Variants in CTNNA3 observed in about 807,000 individuals in gnomAD.
CTNNA3 encodes the protein catenin alpha-3.
Under a neutral mutation model 95.7 loss-of-function variants are expected in CTNNA3, and 76 were observed. The ratio of observed to expected loss-of-function variants is 0.79; its 90% CI spans 0.66 to 0.96. The LOEUF is 0.96. CTNNA3 is among the 40% of genes least tolerant of loss of function. The probability of loss-of-function intolerance (pLI) is 0.00; values close to 1 mark genes in which losing one functional copy is unlikely to be tolerated. For missense variants in CTNNA3, 1,191 were observed against 1,089.8 expected, an observed-to-expected ratio of 1.09 and a Z score of -1.31; for synonymous variants, 431 against 374.4, an observed-to-expected ratio of 1.15 and a Z score of -1.74.
chr10:66,713,932 T>C (rs1030239041), intron 9 of CTNNA3, among the ~76,000 whole-genome samples: 3 of 152,092 alleles, frequency 2.0e-5, no homozygotes, highest in Admixed American at 2.0e-4. Context: ...GAGAGTAATA[T>C]TAATTTTACT....
chr10:66,877,151 T>A (rs879142983), intron 7 of CTNNA3, among the ~76,000 whole-genome samples: 5 of 152,056 alleles, frequency 3.3e-5, no homozygotes, highest in South Asian at 4.1e-4. Context: ...TGATAAGAAA[T>A]CCTGCCTGTG....
intron 13 of CTNNA3, among the ~76,000 whole-genome samples, chr10:66,191,156 T>C (rs1053800390): frequency 2.0e-5 from 3 of 152,130 alleles, no homozygotes; most frequent in East Asian, 1.9e-4. Context: ...TAAGAACTTA[T>C]ATACATATTT....
intron 5 of CTNNA3, among the ~76,000 whole-genome samples, chr10:67,335,250 G>A (rs1841954155): frequency 6.6e-6 from 1 of 152,166 alleles, no homozygotes; most frequent in South Asian, 2.1e-4. Flanking sequence ...GAGTGAGGCT[G>A]CAATGGAATG....
intron 12 of CTNNA3, among the ~76,000 whole-genome samples, chr10:66,346,246 T>TATATATATATATATATAGAG (rs1416945569): frequency 3.6e-5 from 1 of 27,784 alleles, no homozygotes; most frequent in Non-Finnish European, 7.6e-5. Context: ...TATATATATA[T>TATATATATATATATATAGAG]AGAGAGAGAG....
At position 66,968,424 on chromosome 10, in the gene CTNNA3, AAG is replaced by A. The variant is rs1418554934; in HGVS notation, c.1048-192902_1048-192901del. Among the ~76,000 whole-genome samples, 10 of 151,344 alleles carry A rather than the reference AAG, an allele frequency of 6.6e-5. No homozygotes were observed. The East Asian group carries it at 1.9e-3, about 29-fold the overall frequency. Reference sequence around the variant, plus strand: ...ACATTAAGGGAAAGAAATTAAAAAAAAGAGACAAGATGAATTTAAACTAGAGA... The same window carrying A: ...ACATTAAGGGAAAGAAATTAAAAAAAAGACAAGATGAATTTAAACTAGAGA... On this transcript the variant is annotated intron_variant, in intron 7 of 17. Coordinates refer to ENST00000433211, the MANE Select transcript of CTNNA3 (RefSeq NM_013266.4).
intron 7 of CTNNA3, among the ~76,000 whole-genome samples, chr10:66,883,191 C>T (rs1405992421): frequency 1.3e-5 from 2 of 152,084 alleles, no homozygotes; most frequent in African/African-American, 2.4e-5. Context: ...ACTTACAAAG[C>T]TTGGAAAGTT....
At chr10:66,031,441 T>C (rs893733876) in intron 15 of CTNNA3, among the ~76,000 whole-genome samples, 11 of 152,266 alleles carry the variant, frequency 7.2e-5, no homozygotes, top group Middle Eastern at 3.4e-3. Context: ...TATCCTAAGC[T>C]AATTAACACA....
intron 2 of CTNNA3, among the ~76,000 whole-genome samples, chr10:67,632,075 T>C (rs1195848995): frequency 6.6e-6 from 1 of 151,736 alleles, no homozygotes; most frequent in African/African-American, 2.4e-5. Flanking sequence ...AGTTAACATA[T>C]TGTATTCTTT....
chr10:67,481,846 T>C (rs1010923516), intron 5 of CTNNA3, among the ~76,000 whole-genome samples: 2 of 152,172 alleles, frequency 1.3e-5, no homozygotes, highest in African/African-American at 2.4e-5. Context: ...TGAATGGTAA[T>C]GCCTAGGTTT....
chr10:66,320,926 T>C (rs1431500533), intron 12 of CTNNA3, among the ~76,000 whole-genome samples: 2 of 152,100 alleles, frequency 1.3e-5, no homozygotes, highest in South Asian at 2.1e-4. Flanking sequence ...TTCCAAAATT[T>C]TGGCCTTTAA....
At chr10:66,398,150 A>C (rs1415380151) in intron 11 of CTNNA3, among the ~76,000 whole-genome samples, 2 of 151,902 alleles carry the variant, frequency 1.3e-5, no homozygotes, top group Non-Finnish European at 1.5e-5. Context: ...TTCTTTGCAC[A>C]TTTTAAGTAT....
intron 5 of CTNNA3, among the ~76,000 whole-genome samples, chr10:67,239,693 T>C (rs900029847): frequency 2.6e-5 from 4 of 152,072 alleles, no homozygotes; most frequent in African/African-American, 9.7e-5. Flanking sequence ...AAACAAAAAG[T>C]AAAGCCAATA....
At chr10:67,726,968 ATAT>A (rs1280633759) in intron 1 of CTNNA3, among the ~76,000 whole-genome samples, 22 of 113,498 alleles carry the variant, frequency 1.9e-4, no homozygotes, top group African/African-American at 8.0e-4. Context: ...ATAATTATAT[ATAT>A]AATATACGAT....
At chr10:67,518,122 G>A (rs922422823) in intron 5 of CTNNA3, among the ~76,000 whole-genome samples, 6 of 152,028 alleles carry the variant, frequency 3.9e-5, no homozygotes, top group African/African-American at 1.4e-4. Context: ...AAGAAACTCA[G>A]GTATCCAGTA....
intron 17 of CTNNA3, among the ~76,000 whole-genome samples, chr10:65,950,673 C>T (rs1668073836): frequency 6.6e-6 from 1 of 152,180 alleles, no homozygotes; most frequent in South Asian, 2.1e-4. Context: ...GGATTGATAA[C>T]AACCAAGCTA....
Position 66,069,489 on chromosome 10 carries a change from C to T in CTNNA3, c.1978G>A (p.Ala660Thr), listed in dbSNP as rs745685715. The T allele has an allele frequency of 6.2e-7, 1 of 1,602,340 alleles. No homozygotes were observed. The highest frequency in any genetic ancestry group is 8.5e-7 in the Non-Finnish European group (1 of 1,175,702). ...SIQTEGKTDR[A>T]KMTQLPEAEK... ...GCCTCAGGCAGTTGAGTCATCTTAG[C>T]CTAAAACATGTGATAATTAGAGTTA... Residue 660 changes from alanine to threonine, a missense_variant and splice_region_variant, in exon 15 of 18, where the codon GCT becomes ACT. Coordinates refer to ENST00000433211, the MANE Select transcript of CTNNA3 (RefSeq NM_013266.4).
At chr10:67,253,058 G>A (rs1050620250) in intron 5 of CTNNA3, among the ~76,000 whole-genome samples, 3 of 151,992 alleles carry the variant, frequency 2.0e-5, no homozygotes, top group African/African-American at 7.3e-5. Flanking sequence ...GCACTTAAAG[G>A]AATAACTTTA....
chr10:66,995,349 T>A (rs1366838726), intron 7 of CTNNA3, among the ~76,000 whole-genome samples: 1 of 152,142 alleles, frequency 6.6e-6, no homozygotes. Flanking sequence ...TCTTTTTCCT[T>A]TTCTTCATAC....
At chr10:65,953,005 A>C (rs2077650105) in intron 17 of CTNNA3, among the ~76,000 whole-genome samples, 1 of 152,246 alleles carries the variant, frequency 6.6e-6, no homozygotes, top group Non-Finnish European at 1.5e-5. Context: ...ACCCAAAAGC[A>C]TGACATTTGG....
Sources: gnomAD v4.1 joint callset for allele counts (sites outside exome capture counted in the v4.1 genomes callset) on GRCh38, gnomAD v4.1.1 for gene constraint, MANE v1.5 for transcripts, NCBI Gene and HGNC (gene_info 2026-07-23, HGNC 2026-07-21) for gene names.